The following VPS39 variants were observed in gnomAD, a reference collection of about 807,000 sequenced individuals.
The protein encoded by VPS39 is VPS39 subunit of HOPS complex.
Under a neutral mutation model 121.0 loss-of-function variants are expected in VPS39, and 70 were observed. The observed-to-expected ratio is 0.58, with a 90% CI of 0.48 to 0.71. VPS39 has a LOEUF of 0.71. Among genes scored for constraint, VPS39 ranks in the 30% least tolerant of loss-of-function variants. The probability of loss-of-function intolerance (pLI) is 0.00; values close to 1 mark genes in which losing one functional copy is unlikely to be tolerated. For missense variants in VPS39, 818 were observed against 1,051.5 expected (o/e 0.78, Z 3.07); for synonymous variants, 378 against 398.1 (o/e 0.95, Z 0.60).
intron 10 of VPS39, among the ~76,000 whole-genome samples, 170 bp from the exon 11 acceptor site, chr15:42,174,022 C>A (rs956925372): frequency 6.6e-6 from 1 of 152,062 alleles, no homozygotes; most frequent in African/African-American, 2.4e-5. Context: ...CCGAGGCGGG[C>A]GGATCACAAG....
chr15:42,203,410 G>A (rs2050106231), intron 1 of VPS39, among the ~76,000 whole-genome samples: 1 of 151,958 alleles, frequency 6.6e-6, no homozygotes, highest in African/African-American at 2.4e-5. Flanking sequence ...GGAGGGAGAG[G>A]CTGCAGTGAG....
At chr15:42,187,886 A>G in intron 5 of VPS39, 30 bp from the exon 6 acceptor site, 2 of 1,586,014 alleles carry the variant, frequency 1.3e-6, no homozygotes, top group African/African-American at 2.7e-5. Flanking sequence ...GCAAATGAAA[A>G]TACAATGACT....
intron 2 of VPS39, among the ~76,000 whole-genome samples, chr15:42,196,008 A>G (rs937293778): frequency 2.6e-5 from 4 of 152,222 alleles, no homozygotes; most frequent in Non-Finnish European, 5.9e-5. Context: ...GGCCTCAAAA[A>G]TAATACCACA....
At chr15:42,164,797 G>A (rs1047944791) in intron 18 of VPS39, 199 bp downstream of exon 18, 19 of 1,433,582 alleles carry the variant, frequency 1.3e-5, no homozygotes, top group Non-Finnish European at 1.7e-5. Flanking sequence ...GAGACACTCA[G>A]AGATGCCAGG....
chr15:42,201,772 G>C (rs2050074187), intron 1 of VPS39, among the ~76,000 whole-genome samples: 1 of 152,170 alleles, frequency 6.6e-6, no homozygotes, highest in Non-Finnish European at 1.5e-5. Context: ...AGGTAAGCAT[G>C]TACAGATACT....
chr15:42,208,100 G>T lies in VPS39; in HGVS notation c.54C>A (p.Ile18=). 6.3e-7 allele frequency: 1 copy of T among 1,588,346 alleles called. No homozygotes were observed. Among genetic ancestry groups the T allele is most frequent in the East Asian group, 2.3e-5 (1 of 43,574 alleles). ...VPILEKLPLQ[I]DCLAAWEEWL... ...GCTCACCCCAGGCAGCCAGACAGTC[G>T]ATTTGCAGAGGCAGCTTTTCTAGGA... Residue 18 remains isoleucine (I), a synonymous_variant, in exon 1 of 25, where the codon ATC becomes ATA. Transcript: ENST00000318006.
chr15:42,164,008 G>A (rs2049192329), intron 19 of VPS39, among the ~76,000 whole-genome samples: 1 of 152,214 alleles, frequency 6.6e-6, no homozygotes, highest in Admixed American at 6.5e-5. Flanking sequence ...CAACATGCTA[G>A]GTGGTTCAGG....
At position 42,162,479 on chromosome 15, in the gene VPS39, C is replaced by T. The variant is rs1373429639; in HGVS notation, c.2178G>A (p.Val726=). ...GGTACATCCGAAGCAGGGACAGATACACCTGTCTCAGAGAGACATGAGCTA... is the reference window on the plus strand; with the variant it reads ...GGTACATCCGAAGCAGGGACAGATATACCTGTCTCAGAGAGACATGAGCTA... ...YDRNKDGNKD[V]YLSLLRMYLS... The change falls in exon 22 of 25, where the codon GTG becomes GTA. Residue 726 remains valine (V), a splice_region_variant and synonymous_variant. Coordinates refer to ENST00000318006, the MANE Select transcript of VPS39 (RefSeq NM_015289.5). 1.9e-6 allele frequency: 3 copies of T among 1,597,782 alleles called. No homozygotes were observed. Among genetic ancestry groups the T allele is most frequent in the Non-Finnish European group, 2.6e-6 (3 of 1,169,326 alleles).
intron 24 of VPS39, chr15:42,161,159 GGT>G (rs1226308333): frequency 2.7e-6 from 1 of 363,982 alleles, no homozygotes; most frequent in Admixed American, 4.1e-5. Context: ...CATCAGAACA[GGT>G]TTCAGGCTAA....
At chr15:42,167,325 C>G in intron 13 of VPS39, 69 bp downstream of exon 13, 1 of 1,580,426 alleles carries the variant, frequency 6.3e-7, no homozygotes, top group Non-Finnish European at 8.6e-7. Flanking sequence ...GGGTCTAGCA[C>G]TCCCTTTTAC....
intron 1 of VPS39, among the ~76,000 whole-genome samples, chr15:42,202,864 A>G (rs1465642049): frequency 6.6e-6 from 1 of 152,170 alleles, no homozygotes; most frequent in Non-Finnish European, 1.5e-5. Context: ...GTTATCTTAG[A>G]GCAGATCTCT....
chr15:42,182,267 A>G (rs2140865096), intron 8 of VPS39, among the ~76,000 whole-genome samples: 1 of 152,340 alleles, frequency 6.6e-6, no homozygotes, highest in Non-Finnish European at 1.5e-5. Context: ...TCATTTTGAA[A>G]AGTTAGTACA....
At chr15:42,166,968 C>T in intron 13 of VPS39, 55 bp from the exon 14 acceptor site, 2 of 1,609,100 alleles carry the variant, frequency 1.2e-6, no homozygotes, top group Non-Finnish European at 1.7e-6. Context: ...CCCCACCCTT[C>T]CCTGGCCCAG....
intron 5 of VPS39, among the ~76,000 whole-genome samples, 188 bp downstream of exon 5, chr15:42,188,926 A>AC (rs1275348389): frequency 6.6e-6 from 1 of 152,160 alleles, no homozygotes; most frequent in African/African-American, 2.4e-5. Context: ...AGATCGTGCC[A>AC]CTACACTCTA....
At position 42,173,829 on chromosome 15, in the gene VPS39, A is replaced by G; in HGVS notation, c.984T>C (p.Ser328=). 1 of 1,614,202 alleles carries G rather than the reference A, an allele frequency of 6.2e-7. No individual in the cohort carries two copies. Among genetic ancestry groups the G allele is most frequent in the East Asian group, 2.2e-5 (1 of 44,890 alleles). Residue 328 remains serine (S), a synonymous_variant, in exon 11 of 25, where the codon AGT becomes AGC. Coordinates refer to ENST00000318006, the MANE Select transcript of VPS39 (RefSeq NM_015289.5). The stretch of plus-strand genomic sequence containing the variant: ...TGTGATGAATTTGTTGCTGCTTTTC[A>G]CTGTCAGAATCATCTTTCATTTCCT... ...QLAEMKDDSD[S]EKQQQIHHIK... is the part of the protein sequence containing the mutation.
rs2049086782 is a variant in VPS39 at position 42,159,520 on chromosome 15, C to T, written c.*1234G>A. ...TCTGGCAGGATGCCCCACACTGCTCCACAGGTTTGGCGGTGAGTTATTTTT... is the reference window on the plus strand; with the variant it reads ...TCTGGCAGGATGCCCCACACTGCTCTACAGGTTTGGCGGTGAGTTATTTTT... On this transcript the variant is annotated 3_prime_UTR_variant, in exon 25 of 25. Coordinates refer to ENST00000318006, the MANE Select transcript of VPS39 (RefSeq NM_015289.5). The T allele has an allele frequency of 6.6e-6, 1 of 152,398 alleles. No homozygotes were observed. Among genetic ancestry groups the T allele is most frequent in the African/African-American group, 2.4e-5 (1 of 41,450 alleles). 9.4% of individuals were successfully genotyped at this position (152,398 alleles called of 1,614,324 possible). A position where few individuals can be genotyped will look rare whatever the true frequency, so the allele number is the denominator to read the frequency against.
At chr15:42,183,391 T>C (rs1192823263) in intron 8 of VPS39, among the ~76,000 whole-genome samples, 1 of 152,086 alleles carries the variant, frequency 6.6e-6, no homozygotes, top group East Asian at 1.9e-4. Flanking sequence ...CGTGAGCCAC[T>C]GTGCCCGGCC....
At chr15:42,192,479 C>G (rs1271267779) in intron 2 of VPS39, among the ~76,000 whole-genome samples, 1 of 152,146 alleles carries the variant, frequency 6.6e-6, no homozygotes, top group African/African-American at 2.4e-5. Flanking sequence ...ACTTCATGGA[C>G]AGGATGCTCG....
At chr15:42,191,632 C>A in intron 2 of VPS39, 72 bp from the exon 3 acceptor site, 1 of 1,205,202 alleles carries the variant, frequency 8.3e-7, no homozygotes, top group Admixed American at 2.0e-5. Flanking sequence ...TAGAAAAATA[C>A]TGCTCCATAC....
Sources: gnomAD v4.1 joint callset for allele counts (sites outside exome capture counted in the v4.1 genomes callset) on GRCh38, gnomAD v4.1.1 for gene constraint, MANE v1.5 for transcripts, NCBI Gene and HGNC (gene_info 2026-07-23, HGNC 2026-07-21) for gene names.